The following SALL4 variants were observed in gnomAD, a reference collection of about 807,000 sequenced individuals.
SALL4 encodes spalt like transcription factor 4, also known as sal-like protein 4.
Under a neutral mutation model 60.8 loss-of-function variants are expected in SALL4, and 4 were observed. That is an observed-to-expected ratio of 0.07 (90% CI 0.03 to 0.15). SALL4 has a LOEUF of 0.15. SALL4 is among the 10% of genes least tolerant of loss of function. The probability of loss-of-function intolerance (pLI) is 1.00; values close to 1 mark genes in which losing one functional copy is unlikely to be tolerated. For synonymous variants in SALL4, 580 were observed against 574.9 expected, an observed-to-expected ratio of 1.01 and a Z score of -0.13; for missense variants, 1,178 against 1,394.7, an observed-to-expected ratio of 0.84 and a Z score of 2.48.
At chr20:51,792,784 T>G (rs952330760) in intron 1 of SALL4, 21 of 1,066,982 alleles carry the variant, frequency 2.0e-5, no homozygotes, top group Non-Finnish European at 2.4e-5. Context: ...AGCCTACACA[T>G]TGCAACTCCG....
In SALL4 at chr20:51,782,409, A is replaced by G. The variant is rs887686513; in HGVS notation, c.*1856T>C. Reference sequence around the variant, plus strand: ...GGTACAACTACAGGGGTTTCTCCGTAGATCATACATTCACAAGGCATTATT... The same window carrying G: ...GGTACAACTACAGGGGTTTCTCCGTGGATCATACATTCACAAGGCATTATT... On this transcript the variant is annotated 3_prime_UTR_variant, in exon 4 of 4. Transcript: ENST00000217086. 31 of 152,266 alleles carry G rather than the reference A, an allele frequency of 2.0e-4. No homozygotes were observed. The highest frequency in any genetic ancestry group is 7.2e-4 in the African/African-American group (30 of 41,552). The allele number at this position is 152,266 out of a possible 1,614,324, so 9.4% of individuals were successfully genotyped here. A position where few individuals can be genotyped will look rare whatever the true frequency, so the allele number is the denominator to read the frequency against.
chr20:51,799,413 T>A (rs2078097222), intron 1 of SALL4, among the ~76,000 whole-genome samples: 1 of 152,188 alleles, frequency 6.6e-6, no homozygotes, highest in African/African-American at 2.4e-5. Flanking sequence ...CTTCACATTT[T>A]AAAAAAGGAA....
rs2077963136 is a variant in SALL4 at position 51,782,700 on chromosome 20, G to GT, written c.*1564dup. 6.6e-6 allele frequency: 1 copy of GT among 151,470 alleles called. No individual in the cohort carries two copies. The highest frequency in any genetic ancestry group is 6.6e-5 in the Admixed American group (1 of 15,174). 9.4% of individuals were successfully genotyped at this position (151,470 alleles called of 1,614,324 possible). On this transcript the variant is annotated 3_prime_UTR_variant, in exon 4 of 4. Transcript: ENST00000217086. ...AAAGACTTTTCTCCCAGAAATTAGAGTTTTTTTCTTTCTTTCTTGTTAAAC... is the reference window on the plus strand; with the variant it reads ...AAAGACTTTTCTCCCAGAAATTAGAGTTTTTTTTCTTTCTTTCTTGTTAAAC...
At chr20:51,789,388 T>C (rs1191470185) in intron 2 of SALL4, among the ~76,000 whole-genome samples, 2 of 152,010 alleles carry the variant, frequency 1.3e-5, no homozygotes, top group Non-Finnish European at 1.5e-5. Flanking sequence ...TAAACACATA[T>C]GTAATTTAAG....
rs369618385 is a variant in SALL4, at chr20:51,784,493, G to A, written c.2934C>T (p.Gly978=). The part of the protein sequence containing the change: ...VWNQYTSMLN[G]GLAVKTNEIS... ...TCTCATTGGTCTTCACGGCCAGACC[G>A]CCATTGAGCATGCTGGTGTACTGGT... is the stretch of plus-strand genomic sequence containing the variant. The change falls in exon 4 of 4, where the codon GGC becomes GGT. Residue 978 remains glycine (G), a synonymous_variant. Coordinates refer to ENST00000217086, the MANE Select transcript of SALL4 (RefSeq NM_020436.5). 15 of 1,613,978 alleles carry A rather than the reference G, an allele frequency of 9.3e-6. No individual in the cohort carries two copies. The highest frequency in any genetic ancestry group is 1.3e-5 in the African/African-American group (1 of 74,882).
At chr20:51,794,666 T>G (rs2122971037) in intron 1 of SALL4, among the ~76,000 whole-genome samples, 1 of 152,328 alleles carries the variant, frequency 6.6e-6, no homozygotes, top group Middle Eastern at 3.4e-3. Context: ...TTTGAGCACT[T>G]ACTTTGTATG....
At position 51,792,075 on chromosome 20, in the gene SALL4, A is replaced by C; in HGVS notation, c.408T>G (p.Asn136Lys). ...CCTTCATGTCCTCTGAGCTGCCGCC[A>C]TTCTCCCTGTGACAGTCCTTACTGC... ...SPGSKDCHRE[N>K]GGSSEDMKEK... The change falls in exon 2 of 4, where the codon AAT becomes AAG. Residue 136 changes from asparagine to lysine, a missense_variant. By Grantham distance (94) the Asn-to-Lys change is moderately conservative. Coordinates refer to ENST00000217086, the MANE Select transcript of SALL4 (RefSeq NM_020436.5). 6.2e-7 allele frequency: 1 copy of C among 1,614,048 alleles called. No individual in the cohort carries two copies.
chr20:51,798,235 C>T (rs2078089993), intron 1 of SALL4, among the ~76,000 whole-genome samples: 3 of 152,132 alleles, frequency 2.0e-5, no homozygotes, highest in Admixed American at 6.5e-5. Context: ...AACCAAAATT[C>T]GGGGATGCTG....
chr20:51,791,822 G>C lies in SALL4; in HGVS notation c.661C>G (p.Leu221Val). ...IPWVLEQILC[L>V]QQQQLQQIQL... ...ATCTGCTGTAGCTGCTGCTGCTGCA[G>C]ACACAAGATCTGCTCGAGGACCCAC... Residue 221 changes from leucine (L) to valine (V), a missense_variant, in exon 2 of 4, where the codon CTG becomes GTG. By Grantham distance (32) the Leu-to-Val change is conservative. Around this residue, in one of 5 missense-constraint regions of SALL4, gnomAD observed 853 missense variants for 1,036.8 expected, o/e 0.82. Coordinates refer to ENST00000217086, the MANE Select transcript of SALL4 (RefSeq NM_020436.5). This position sits in a 1 kb window ranked among gnomAD's most constrained non-coding sequence, Gnocchi z 4.6. The C allele has an allele frequency of 6.2e-7, 1 of 1,614,144 alleles. No homozygotes were observed. The highest frequency in any genetic ancestry group is 8.5e-7 in the Non-Finnish European group (1 of 1,180,058).
chr20:51,791,646 A>G lies in SALL4; in HGVS notation c.837T>C (p.Ala279=), dbSNP rs773451514. 6.2e-7 allele frequency: 1 copy of G among 1,614,076 alleles called. No homozygotes were observed. ...SAAVALLSQK[A]GSQGLSLDAL... is the part of the protein sequence containing the mutation. ...CATCCAGAGACAGACCTTGGCTTCC[A>G]GCTTTCTGGCTGAGCAAAGCCACAG... is the stretch of plus-strand genomic sequence containing the variant. Residue 279 remains alanine, a synonymous_variant, in exon 2 of 4, where the codon GCT becomes GCC. Coordinates refer to ENST00000217086, the MANE Select transcript of SALL4 (RefSeq NM_020436.5). This position sits in a 1 kb window ranked among gnomAD's most constrained non-coding sequence, Gnocchi z 4.6.
Position 51,791,233 on chromosome 20 carries a change from T to C in SALL4, c.1250A>G (p.His417Arg). The change falls in exon 2 of 4, where the codon CAT becomes CGT. Residue 417 changes from histidine to arginine, a missense_variant. Physicochemically the swap from His to Arg is conservative, Grantham distance 29 (BLOSUM62 0). Transcript: ENST00000217086. This position sits in a 1 kb window ranked among gnomAD's most constrained non-coding sequence, Gnocchi z 4.6. ...ERPFVCSVCG[H>R]RFTTKGNLKV... ...GAGGTTGCCCTTGGTGGTGAAGCGATGACCACAGACAGAGCACACGAAGGG... is the reference window on the plus strand; with the variant it reads ...GAGGTTGCCCTTGGTGGTGAAGCGACGACCACAGACAGAGCACACGAAGGG... The C allele has an allele frequency of 1.2e-6, 2 of 1,614,060 alleles. No individual in the cohort carries two copies. The highest frequency in any genetic ancestry group is 1.7e-6 in the Non-Finnish European group (2 of 1,180,010).
chr20:51,790,512 G>A lies in SALL4; in HGVS notation c.1971C>T (p.Pro657=), dbSNP rs145851373. The change falls in exon 2 of 4, where the codon CCC becomes CCT. Residue 657 remains proline, a synonymous_variant. Transcript: ENST00000217086. This position sits in a 1 kb window ranked among gnomAD's most constrained non-coding sequence, Gnocchi z 5.5. ...TAAAGTCACAGGGATTCTCTGGCAG[G>A]GGCGTGTTGGGAATCTGACCGCCCA... ...MHMGGQIPNT[P]LPENPCDFTG... The A allele has an allele frequency of 1.1e-5, 18 of 1,614,008 alleles. No individual in the cohort carries two copies. In the African/African-American group the frequency reaches 2.3e-4, roughly 20 times the overall value.
At position 51,795,837 on chromosome 20, in the gene SALL4, A is replaced by G. The variant is rs138810774; in HGVS notation, c.131-3485T>C. Among the ~76,000 whole-genome samples the G allele has an allele frequency of 2.1e-3, 327 of 152,300 alleles. 1 individual carries two copies. The highest frequency in any genetic ancestry group is 7.4e-3 in the African/African-American group (306 of 41,550). On this transcript the variant is annotated intron_variant, in intron 1 of 3. Transcript: ENST00000217086. ...CAAAATGGATGCACCTTGGTCCATC[A>G]GTAAGATTTTGGTTAAATAAGTTAG...
At chr20:51,797,449 A>AAG (rs2078085396) in intron 1 of SALL4, 1 of 152,160 alleles carries the variant, frequency 6.6e-6, no homozygotes, top group African/African-American at 2.4e-5. Context: ...CTGTATACAC[A>AAG]AGCTTGCCTC....
intron 3 of SALL4, among the ~76,000 whole-genome samples, chr20:51,787,682 A>G (rs898863068): frequency 6.6e-6 from 1 of 151,708 alleles, no homozygotes; most frequent in African/African-American, 2.4e-5. Context: ...TATGAATTTA[A>G]TTTTTGTAGA....
At chr20:51,789,428 A>G (rs929383988) in intron 2 of SALL4, among the ~76,000 whole-genome samples, 1 of 152,170 alleles carries the variant, frequency 6.6e-6, no homozygotes, top group African/African-American at 2.4e-5. Flanking sequence ...AACTACCTTT[A>G]AAGCATATGC....
intron 1 of SALL4, among the ~76,000 whole-genome samples, chr20:51,799,533 T>A (rs2078097856): frequency 6.6e-6 from 1 of 152,226 alleles, no homozygotes; most frequent in Admixed American, 6.5e-5. Flanking sequence ...GCACTGCACA[T>A]TTTTATTCAA....
Position 51,788,723 on chromosome 20 carries a change from CT to C in SALL4, c.2742+137del. 9.6e-7 allele frequency: 1 copy of C among 1,046,676 alleles called. No homozygotes were observed. Among genetic ancestry groups the C allele is most frequent in the Non-Finnish European group, 1.5e-6 (1 of 687,148 alleles). 64.8% of individuals were successfully genotyped at this position (1,046,676 alleles called of 1,614,324 possible). A position where few individuals can be genotyped will look rare whatever the true frequency, so the allele number is the denominator to read the frequency against. ...AAAAATAAATAAATAAATAAACAAA[CT>C]CCTGGACTCAAGCAATCCTCCCACC... is the stretch of plus-strand genomic sequence containing the variant. On this transcript the variant is annotated intron_variant, in intron 3 of 3. Coordinates refer to ENST00000217086, the MANE Select transcript of SALL4 (RefSeq NM_020436.5). This position sits in a 1 kb window ranked among gnomAD's most constrained non-coding sequence, Gnocchi z 4.1.
chr20:51,794,749 A>G (rs1407976579), intron 1 of SALL4, among the ~76,000 whole-genome samples: 1 of 152,194 alleles, frequency 6.6e-6, no homozygotes, highest in Non-Finnish European at 1.5e-5. Context: ...ATTTGACAGA[A>G]GGGGAAACTG....
Sources: allele counts gnomAD v4.1 joint callset (sites outside exome capture counted in the v4.1 genomes callset), GRCh38; gene constraint gnomAD v4.1.1; regional missense constraint gnomAD v4.1.1; non-coding constraint Gnocchi (gnomAD v3.1); transcripts MANE v1.5; gene names NCBI Gene and HGNC (gene_info 2026-07-23, HGNC 2026-07-21).